NRXN3: variants seen among roughly 807,000 people sequenced by gnomAD.
NRXN3 encodes the protein neurexin III.
A neutral mutation model predicts 137.6 loss-of-function variants in NRXN3; 32 were observed. The observed-to-expected ratio is 0.23, with a 90% CI of 0.18 to 0.31. NRXN3 has a LOEUF of 0.31. NRXN3 is among the 10% of genes least tolerant of loss of function. NRXN3 has a pLI of 1.00. For synonymous variants in NRXN3, 798 were observed against 784.5 expected (o/e 1.02, Z -0.29); for missense variants, 1,574 against 2,062.5 (o/e 0.76, Z 4.59).
At chr14:78,732,101 C>A (rs1388228958) in intron 8 of NRXN3, among the ~76,000 whole-genome samples, 1 of 152,140 alleles carries the variant, frequency 6.6e-6, no homozygotes, top group African/African-American at 2.4e-5. Context: ...GGACCAGAGG[C>A]TACCCAGGGG....
intron 15 of NRXN3, among the ~76,000 whole-genome samples, chr14:79,133,099 G>T (rs2057773309): frequency 6.6e-6 from 1 of 152,254 alleles, no homozygotes; most frequent in African/African-American, 2.4e-5. Context: ...TAAGTCTTTA[G>T]TTGCAGGGTG....
intron 16 of NRXN3, among the ~76,000 whole-genome samples, chr14:79,483,733 A>G (rs2096629171): frequency 6.6e-6 from 1 of 152,114 alleles, no homozygotes; most frequent in Admixed American, 6.5e-5. Flanking sequence ...CACAGGGTCC[A>G]CACAGAGCAG....
chr14:79,071,081 T>C, intron 15 of NRXN3, among the ~76,000 whole-genome samples: 1 of 152,160 alleles, frequency 6.6e-6, no homozygotes, highest in East Asian at 1.9e-4. Context: ...GAAAAGGAAT[T>C]AAGAATCTTT....
chr14:79,477,263 C>T (rs28479795), intron 16 of NRXN3, among the ~76,000 whole-genome samples: 35,827 of 151,632 alleles, frequency 0.24, 4,601 homozygotes, highest in African/African-American at 0.33. Flanking sequence ...TTCAATTGGA[C>T]CGTAATGAAT....
intron 8 of NRXN3, among the ~76,000 whole-genome samples, chr14:78,742,568 G>C (rs1310490200): frequency 6.6e-6 from 1 of 152,162 alleles, no homozygotes; most frequent in East Asian, 1.9e-4. Flanking sequence ...GGTATGTAGT[G>C]TGTGATATAG....
intron 4 of NRXN3, among the ~76,000 whole-genome samples, chr14:78,543,122 G>T (rs1006510570): frequency 6.6e-6 from 1 of 152,090 alleles, no homozygotes; most frequent in Non-Finnish European, 1.5e-5. Context: ...ATTTTCTTAA[G>T]CTGGCTGCCC....
At chr14:79,414,117 G>A (rs2095461821) in intron 15 of NRXN3, among the ~76,000 whole-genome samples, 1 of 152,084 alleles carries the variant, frequency 6.6e-6, no homozygotes, top group South Asian at 2.1e-4. Context: ...GCGGGGGAGT[G>A]GGGGCGGCAG....
chr14:79,103,012 T>A (rs557062788), intron 15 of NRXN3, among the ~76,000 whole-genome samples: 2 of 152,282 alleles, frequency 1.3e-5, no homozygotes, highest in East Asian at 3.9e-4. Context: ...TGGATAAACC[T>A]GAAAATAAAA....
chr14:79,466,741 A>T (rs983509911), intron 15 of NRXN3, among the ~76,000 whole-genome samples: 1 of 152,084 alleles, frequency 6.6e-6, no homozygotes, highest in East Asian at 1.9e-4. Context: ...AGCAGGAGAG[A>T]CATGATGCCT....
chr14:79,529,808 A>G (rs1014251549), intron 16 of NRXN3, among the ~76,000 whole-genome samples: 1 of 152,162 alleles, frequency 6.6e-6, no homozygotes, highest in Non-Finnish European at 1.5e-5. Context: ...TTTTCATCCC[A>G]CTGAATCTTT....
chr14:78,202,183 G>A (rs1245623570), intron 1 of NRXN3, among the ~76,000 whole-genome samples: 1 of 152,080 alleles, frequency 6.6e-6, no homozygotes, highest in Non-Finnish European at 1.5e-5. Flanking sequence ...AAGTAGGAGG[G>A]GGAAACGAAA....
chr14:79,757,183 G>A (rs1414900049), intron 19 of NRXN3, among the ~76,000 whole-genome samples: 1 of 152,122 alleles, frequency 6.6e-6, no homozygotes, highest in East Asian at 1.9e-4. Flanking sequence ...GTGCAAATTA[G>A]TTTTCTTCAG....
intron 4 of NRXN3, among the ~76,000 whole-genome samples, chr14:78,376,317 A>G (rs1354898487): frequency 6.6e-6 from 1 of 152,232 alleles, no homozygotes; most frequent in African/African-American, 2.4e-5. Context: ...AGCTAGAGCA[A>G]ATTGTTGGAA....
chr14:78,467,919 TTTG>T (rs3036567), intron 4 of NRXN3, among the ~76,000 whole-genome samples: 2 of 150,656 alleles, frequency 1.3e-5, no homozygotes, highest in African/African-American at 4.9e-5. Flanking sequence ...TTATTATTGT[TTTG>T]TTGTTGTTGT....
intron 16 of NRXN3, among the ~76,000 whole-genome samples, chr14:79,561,224 CAT>C (rs1302550552): frequency 6.6e-6 from 1 of 152,032 alleles, no homozygotes; most frequent in Non-Finnish European, 1.5e-5. Context: ...GAATACAACT[CAT>C]AATGCTATTC....
intron 16 of NRXN3, among the ~76,000 whole-genome samples, chr14:79,525,757 T>C (rs1347980819): frequency 1.3e-5 from 2 of 152,260 alleles, no homozygotes; most frequent in African/African-American, 4.8e-5. Flanking sequence ...CTCTGTCTTA[T>C]GTTCACTATA....
chr14:79,590,067 C>T (rs1322884817), intron 16 of NRXN3, among the ~76,000 whole-genome samples: 2 of 151,920 alleles, frequency 1.3e-5, no homozygotes, highest in Admixed American at 1.3e-4. Context: ...TTTTTTCCCC[C>T]ATTACTTTGT....
In NRXN3 at chr14:78,610,510, A is replaced by G. The variant is rs201622268; in HGVS notation, c.758-34610A>G. Reference sequence around the variant, plus strand: ...TGCCAGGTCCCCTTCTCTTATTTGCAAACTGTCTCTGTTTGATATTAAAAT... The same window carrying G: ...TGCCAGGTCCCCTTCTCTTATTTGCGAACTGTCTCTGTTTGATATTAAAAT... On this transcript the variant is annotated intron_variant, in intron 4 of 20. Transcript: ENST00000335750. Among the ~76,000 whole-genome samples the G allele has an allele frequency of 3.3e-5, 5 of 152,222 alleles. No individual in the cohort carries two copies. The East Asian group carries it at 9.7e-4, about 29-fold the overall frequency.
At chr14:79,359,516 T>C (rs1017853850) in intron 15 of NRXN3, among the ~76,000 whole-genome samples, 2 of 152,034 alleles carry the variant, frequency 1.3e-5, no homozygotes, top group Non-Finnish European at 2.9e-5. Context: ...TTCTGTCCTA[T>C]ATTAATTTCA....
Sources: gnomAD v4.1 joint callset for allele counts (sites outside exome capture counted in the v4.1 genomes callset) on GRCh38, gnomAD v4.1.1 for gene constraint, MANE v1.5 for transcripts, NCBI Gene and HGNC (gene_info 2026-07-23, HGNC 2026-07-21) for gene names.